PLCL2: variants seen among roughly 807,000 people sequenced by gnomAD.
The protein encoded by PLCL2 is phospholipase C like 2.
In PLCL2, 4 loss-of-function variants were observed where a neutral mutation model predicts 79.6. That is an observed-to-expected ratio of 0.05 (90% CI 0.02 to 0.11). The LOEUF is 0.11. Among genes scored for constraint, PLCL2 ranks in the 10% least tolerant of loss-of-function variants. PLCL2 has a pLI of 1.00. For synonymous variants in PLCL2, 484 were observed against 457.7 expected, an observed-to-expected ratio of 1.06 and a Z score of -0.73; for missense variants, 895 against 1,291.0, an observed-to-expected ratio of 0.69 and a Z score of 4.70.
At chr3:16,968,370 A>G (rs114061291) in intron 1 of PLCL2, among the ~76,000 whole-genome samples, 2,253 of 152,218 alleles carry the variant, frequency 0.015, 69 homozygotes, top group African/African-American at 0.052. Context: ...CAGTAGGTCC[A>G]TTTGAATGAT....
intron 1 of PLCL2, among the ~76,000 whole-genome samples, chr3:16,949,862 A>G (rs2063634955): frequency 6.6e-6 from 1 of 152,202 alleles, no homozygotes; most frequent in Non-Finnish European, 1.5e-5. Context: ...TATTTTTTGC[A>G]AATGGACAGC....
At chr3:16,955,002 T>A (rs2063690654) in intron 1 of PLCL2, among the ~76,000 whole-genome samples, 1 of 152,360 alleles carries the variant, frequency 6.6e-6, no homozygotes, top group East Asian at 1.9e-4. Context: ...TGGTAGTTTC[T>A]TTTGCTGTGC....
At chr3:17,004,338 A>C (rs1292284314) in intron 1 of PLCL2, among the ~76,000 whole-genome samples, 1 of 152,028 alleles carries the variant, frequency 6.6e-6, no homozygotes, top group Non-Finnish European at 1.5e-5. Context: ...GCCCTCATAG[A>C]CTCTGCAAAG....
intron 1 of PLCL2, among the ~76,000 whole-genome samples, chr3:16,902,062 C>G (rs1376412457): frequency 6.6e-6 from 1 of 152,340 alleles, no homozygotes; most frequent in East Asian, 1.9e-4. Flanking sequence ...AGCCCAGACA[C>G]TGCTGTCTGC....
In PLCL2 at chr3:16,902,197, G is replaced by A. The variant is rs372581853; in HGVS notation, c.327+16831G>A. On this transcript the variant is annotated intron_variant, in intron 1 of 5. Transcript: ENST00000615277. ...TCTGAAGTTATTTAGTTTGGCAGATGACACCACTATCCATTCTCCTTTATG... is the reference window on the plus strand; with the variant it reads ...TCTGAAGTTATTTAGTTTGGCAGATAACACCACTATCCATTCTCCTTTATG... 4.6e-5 allele frequency among the ~76,000 whole-genome samples: 7 copies of A among 152,302 alleles called. 1 individual carries two copies.
At chr3:17,086,671 C>A (rs890397532) in intron 5 of PLCL2, among the ~76,000 whole-genome samples, 7 of 152,170 alleles carry the variant, frequency 4.6e-5, no homozygotes, top group African/African-American at 1.4e-4. Flanking sequence ...AAAATACTTG[C>A]AAAGGACACA....
intron 1 of PLCL2, among the ~76,000 whole-genome samples, chr3:16,924,684 G>A (rs1321221431): frequency 1.3e-5 from 2 of 152,116 alleles, no homozygotes; most frequent in African/African-American, 4.8e-5. Context: ...GTCATTGGCA[G>A]AGAAAATGCA....
chr3:17,009,860 C>T lies in PLCL2; in HGVS notation c.514C>T (p.Leu172=), dbSNP rs540695724. 2 of 1,613,422 alleles carry T rather than the reference C, an allele frequency of 1.2e-6. No homozygotes were observed. Among genetic ancestry groups the T allele is most frequent in the South Asian group, 1.1e-5 (1 of 91,072 alleles). Residue 172 remains leucine, a synonymous_variant, in exon 2 of 6, where the codon CTA becomes TTA. Coordinates refer to ENST00000615277, the MANE Select transcript of PLCL2 (RefSeq NM_001144382.2). The surrounding 1 kb of genome is among the most constrained non-coding windows in gnomAD (Gnocchi z 4.0). ...TTTACTGGATGCTGACATGCAGAGC[C>T]TAAGGTGGGAGCCATCTAAGAAGGA... ...YFLLDADMQS[L]RWEPSKKDSE...
chr3:17,069,062 T>G (rs1003518026), intron 5 of PLCL2, among the ~76,000 whole-genome samples: 8 of 152,200 alleles, frequency 5.3e-5, no homozygotes, highest in Non-Finnish European at 1.0e-4. Context: ...TTAGCAGGCA[T>G]AAAAAGGCCT....
chr3:17,046,662 A>C (rs1450239612), intron 4 of PLCL2, among the ~76,000 whole-genome samples: 3 of 152,228 alleles, frequency 2.0e-5, no homozygotes, highest in Non-Finnish European at 2.9e-5. Flanking sequence ...TAAGCCACAA[A>C]TCCATAAGGA....
At chr3:16,960,218 G>A (rs2063742744) in intron 1 of PLCL2, among the ~76,000 whole-genome samples, 1 of 152,170 alleles carries the variant, frequency 6.6e-6, no homozygotes, top group East Asian at 1.9e-4. Context: ...TAGTGATTTA[G>A]CTGAAAATCA....
intron 1 of PLCL2, among the ~76,000 whole-genome samples, chr3:16,923,728 T>C (rs557771333): frequency 4.6e-5 from 7 of 152,324 alleles, no homozygotes; most frequent in South Asian, 2.1e-4. Flanking sequence ...TCTCCTTTCA[T>C]TGTGGAACTC....
chr3:16,897,834 T>C lies in PLCL2; in HGVS notation c.327+12468T>C, dbSNP rs552026990. On this transcript the variant is annotated intron_variant, in intron 1 of 5. Transcript: ENST00000615277. ...GAATGAACATTGAACTCCTGAGGCATCTATAAAACATATTTTATTGGCTGC... is the reference window on the plus strand; with the variant it reads ...GAATGAACATTGAACTCCTGAGGCACCTATAAAACATATTTTATTGGCTGC... Among the ~76,000 whole-genome samples, 157 of 152,368 alleles carry C rather than the reference T, an allele frequency of 1.0e-3. 1 individual carries two copies. The highest frequency in any genetic ancestry group is 1.7e-3 in the Admixed American group (26 of 15,312).
At chr3:17,006,719 G>C (rs899693182) in intron 1 of PLCL2, among the ~76,000 whole-genome samples, 2 of 152,166 alleles carry the variant, frequency 1.3e-5, no homozygotes, top group African/African-American at 4.8e-5. Flanking sequence ...GTCTGCAATT[G>C]ATAACCAGAA....
In PLCL2 at chr3:16,890,209, T is replaced by C. The variant is rs80141008; in HGVS notation, c.327+4843T>C. On this transcript the variant is annotated intron_variant, in intron 1 of 5. Transcript: ENST00000615277. Reference sequence around the variant, plus strand: ...GCCCTAAAATCTACTTGCTCCCTTTTGCTTTCCTCCTCCTCCATTTTCCAG... The same window carrying C: ...GCCCTAAAATCTACTTGCTCCCTTTCGCTTTCCTCCTCCTCCATTTTCCAG... 7.3e-3 allele frequency among the ~76,000 whole-genome samples: 1,115 copies of C among 152,356 alleles called. 15 individuals are homozygous for C. Among genetic ancestry groups the C allele is most frequent in the African/African-American group, 0.024 (1,017 of 41,582 alleles).
At chr3:16,926,478 A>G (rs1697251989) in intron 1 of PLCL2, among the ~76,000 whole-genome samples, 1 of 152,120 alleles carries the variant, frequency 6.6e-6, no homozygotes, top group South Asian at 2.1e-4. Context: ...AATGTTAACT[A>G]TTGTTATTAT....
At chr3:17,073,580 C>A (rs971607873) in intron 5 of PLCL2, among the ~76,000 whole-genome samples, 2 of 152,152 alleles carry the variant, frequency 1.3e-5, no homozygotes, top group Non-Finnish European at 2.9e-5. Context: ...CCACAGATTT[C>A]TCTGTAGCGT....
At chr3:16,947,161 G>A (rs1186254406) in intron 1 of PLCL2, among the ~76,000 whole-genome samples, 1 of 151,372 alleles carries the variant, frequency 6.6e-6, no homozygotes, top group Non-Finnish European at 1.5e-5. Context: ...TCTCACTCAG[G>A]CTGGCCTCAA....
At chr3:16,931,673 G>C (rs537351136) in intron 1 of PLCL2, among the ~76,000 whole-genome samples, 1 of 152,086 alleles carries the variant, frequency 6.6e-6, no homozygotes, top group African/African-American at 2.4e-5. Context: ...CATTTATTAC[G>C]TGAATGACCC....
Sources: allele counts gnomAD v4.1 joint callset (sites outside exome capture counted in the v4.1 genomes callset), GRCh38; gene constraint gnomAD v4.1.1; non-coding constraint Gnocchi (gnomAD v3.1); transcripts MANE v1.5; gene names NCBI Gene and HGNC (gene_info 2026-07-23, HGNC 2026-07-21).